The following ADAM12 variants were observed in gnomAD, a reference collection of about 807,000 sequenced individuals.
ADAM12 encodes the protein ADAM metallopeptidase domain 12.
In ADAM12, 70 loss-of-function variants were observed where a neutral mutation model predicts 106.4. The ratio of observed to expected loss-of-function variants is 0.66; its 90% CI spans 0.54 to 0.80. The LOEUF is 0.80. ADAM12 is among the 30% of genes least tolerant of loss of function. ADAM12 has a pLI of 0.00. For synonymous variants in ADAM12, 420 were observed against 433.5 expected (o/e 0.97, Z 0.39); for missense variants, 1,010 against 1,171.9 (o/e 0.86, Z 2.02).
chr10:126,114,825 A>G (rs918820652), intron 6 of ADAM12, among the ~76,000 whole-genome samples: 2 of 152,210 alleles, frequency 1.3e-5, no homozygotes, highest in Admixed American at 1.3e-4. Context: ...GTCTCTTAGA[A>G]GAGGCATGGA....
chr10:126,038,460 G>C lies in ADAM12; in HGVS notation c.2241-111C>G, dbSNP rs1954097862. ...CAAAAGACAGTTTACTTAACTCAGTGTGCTAAACATGCAAAGGAAAAATTA... is the reference window on the plus strand; with the variant it reads ...CAAAAGACAGTTTACTTAACTCAGTCTGCTAAACATGCAAAGGAAAAATTA... On this transcript the variant is annotated intron_variant, in intron 19 of 22. Transcript: ENST00000448723. The C allele has an allele frequency of 3.9e-6, 3 of 769,976 alleles. No individual in the cohort carries two copies. In the East Asian group the frequency reaches 8.9e-5, roughly 23 times the overall value. The allele number at this position is 769,976 out of a possible 1,614,324, so 47.7% of individuals were successfully genotyped here.
chr10:126,095,412 T>TA (rs1955537984), intron 10 of ADAM12, among the ~76,000 whole-genome samples: 1 of 151,644 alleles, frequency 6.6e-6, no homozygotes, highest in Non-Finnish European at 1.5e-5. Flanking sequence ...CGGGCGCCTG[T>TA]AGTCCCAGCT....
chr10:126,068,346 A>G (rs931410483), intron 12 of ADAM12, among the ~76,000 whole-genome samples: 6 of 152,194 alleles, frequency 3.9e-5, no homozygotes, highest in African/African-American at 1.4e-4. Flanking sequence ...TAAATCAGCC[A>G]TCCTAAATCT....
At chr10:126,194,006 G>A (rs1957552652) in intron 3 of ADAM12, among the ~76,000 whole-genome samples, 1 of 152,042 alleles carries the variant, frequency 6.6e-6, no homozygotes. Context: ...GAAACAGAGA[G>A]ACTGCTGTTG....
intron 3 of ADAM12, among the ~76,000 whole-genome samples, chr10:126,227,886 G>A (rs1457650972): frequency 6.6e-6 from 1 of 152,198 alleles, no homozygotes; most frequent in African/African-American, 2.4e-5. Flanking sequence ...GGAGGGAGCT[G>A]AGTCATGACA....
chr10:126,251,612 GC>G (rs1440666118), intron 3 of ADAM12, among the ~76,000 whole-genome samples: 7 of 18,814 alleles, frequency 3.7e-4, no homozygotes, highest in Non-Finnish European at 6.2e-4. Flanking sequence ...ATGGATGGAT[GC>G]ATGGATAGAT....
intron 2 of ADAM12, among the ~76,000 whole-genome samples, chr10:126,298,820 G>A (rs2133794474): frequency 6.6e-6 from 1 of 152,164 alleles, no homozygotes; most frequent in African/African-American, 2.4e-5. Flanking sequence ...CACCACAGAA[G>A]ACAAAAGAAT....
chr10:126,072,385 G>T (rs1226334911), intron 11 of ADAM12, among the ~76,000 whole-genome samples: 2 of 152,208 alleles, frequency 1.3e-5, no homozygotes, highest in Admixed American at 1.3e-4. Flanking sequence ...TGGGTGGGCT[G>T]TATGACATTC....
chr10:126,165,914 C>T (rs540169824), intron 3 of ADAM12, among the ~76,000 whole-genome samples: 71 of 152,234 alleles, frequency 4.7e-4, no homozygotes, highest in African/African-American at 1.5e-3. Flanking sequence ...CAATGGAGCA[C>T]GTACATTCCA....
At chr10:126,362,448 G>T (rs916351393) in intron 1 of ADAM12, among the ~76,000 whole-genome samples, 84 of 152,004 alleles carry the variant, frequency 5.5e-4, no homozygotes, top group African/African-American at 2.0e-3. Flanking sequence ...CCACTTCTCG[G>T]TATTTACCCA....
chr10:126,132,529 C>CA (rs955577497), intron 5 of ADAM12, among the ~76,000 whole-genome samples: 1 of 140,416 alleles, frequency 7.1e-6, no homozygotes. Context: ...TGAACACCCC[C>CA]CCCCCCTCAA....
Position 126,066,572 on chromosome 10 carries a change from C to T in ADAM12, c.1413+145G>A, listed in dbSNP as rs758642678. The T allele has an allele frequency of 2.4e-5, 17 of 709,826 alleles. No homozygotes were observed. Among genetic ancestry groups the T allele is most frequent in the Non-Finnish European group, 3.4e-5 (14 of 413,626 alleles). The allele number at this position is 709,826 out of a possible 1,614,324, so 44.0% of individuals were successfully genotyped here. ...AAGCTAAACAGTAAGAGGTGGGTAA[C>T]ACCAACTGGCGTGAGAAGGAGGGAT... On this transcript the variant is annotated intron_variant, in intron 13 of 22. Coordinates refer to ENST00000448723, the MANE Select transcript of ADAM12 (RefSeq NM_001288973.2). This position sits in a 1 kb window ranked among gnomAD's most constrained non-coding sequence, Gnocchi z 5.1.
rs148738279 is a variant in ADAM12, at chr10:126,259,461, C to T, written c.260+19454G>A. 5.2e-4 allele frequency among the ~76,000 whole-genome samples: 79 copies of T among 152,270 alleles called. 2 individuals carry two copies. The East Asian group carries it at 6.4e-3, about 12-fold the overall frequency. The stretch of plus-strand genomic sequence containing the variant: ...TGCAAAGTTTGTTTACTGAAAAGAG[C>T]GATCACATGCTTTCTTACTAACAAA... On this transcript the variant is annotated intron_variant, in intron 3 of 22. Coordinates refer to ENST00000448723, the MANE Select transcript of ADAM12 (RefSeq NM_001288973.2).
At chr10:126,162,539 G>A (rs527313987) in intron 3 of ADAM12, among the ~76,000 whole-genome samples, 4 of 152,220 alleles carry the variant, frequency 2.6e-5, no homozygotes, top group South Asian at 2.1e-4. Flanking sequence ...ATGCAGAGCC[G>A]CCAAACACGG....
At chr10:126,150,461 T>C (rs1354158044) in intron 4 of ADAM12, among the ~76,000 whole-genome samples, 3 of 152,090 alleles carry the variant, frequency 2.0e-5, no homozygotes, top group African/African-American at 7.2e-5. Flanking sequence ...CCAAGACTCA[T>C]CTCCTCTGCC....
At chr10:126,261,719 T>G (rs1362019812) in intron 3 of ADAM12, among the ~76,000 whole-genome samples, 1 of 151,820 alleles carries the variant, frequency 6.6e-6, no homozygotes, top group Non-Finnish European at 1.5e-5. Flanking sequence ...AGCACTTCAA[T>G]GTCCAAATGT....
At chr10:126,324,878 C>T (rs1237973580) in intron 2 of ADAM12, among the ~76,000 whole-genome samples, 13 of 151,818 alleles carry the variant, frequency 8.6e-5, no homozygotes, top group Admixed American at 8.5e-4. Flanking sequence ...TAAGTCAATG[C>T]ATGCTAGATG....
chr10:126,160,322 C>T (rs1956909790), intron 3 of ADAM12, among the ~76,000 whole-genome samples: 1 of 152,140 alleles, frequency 6.6e-6, no homozygotes, highest in South Asian at 2.1e-4. Flanking sequence ...CCAACAAAAA[C>T]ACGCAATGAT....
intron 3 of ADAM12, among the ~76,000 whole-genome samples, chr10:126,228,430 A>G (rs1231139462): frequency 1.3e-5 from 2 of 152,212 alleles, no homozygotes; most frequent in African/African-American, 4.8e-5. Context: ...GTAACTTCAA[A>G]TGTACAATGT....
Sources: gnomAD v4.1 joint callset for allele counts (sites outside exome capture counted in the v4.1 genomes callset) on GRCh38, gnomAD v4.1.1 for gene constraint, Gnocchi (gnomAD v3.1) non-coding constraint, MANE v1.5 for transcripts, NCBI Gene and HGNC (gene_info 2026-07-23, HGNC 2026-07-21) for gene names.